DNAAF11: variants seen among roughly 807,000 people sequenced by gnomAD.
DNAAF11 encodes dynein axonemal assembly factor 11.
Under a neutral mutation model 60.8 loss-of-function variants are expected in DNAAF11, and 45 were observed. The ratio of observed to expected loss-of-function variants is 0.74; its 90% CI spans 0.58 to 0.95. The LOEUF is 0.95. DNAAF11 is among the 40% of genes least tolerant of loss of function. The probability of loss-of-function intolerance (pLI) is 0.00; values close to 1 mark genes in which losing one functional copy is unlikely to be tolerated. For synonymous variants in DNAAF11, 191 were observed against 183.5 expected (o/e 1.04, Z -0.33); for missense variants, 546 against 546.2 (o/e 1.00, Z 0.00).
chr8:132,646,757 A>C (rs1192671303), intron 3 of DNAAF11, among the ~76,000 whole-genome samples: 1 of 152,248 alleles, frequency 6.6e-6, no homozygotes, highest in Non-Finnish European at 1.5e-5. Flanking sequence ...AGGCCATTAC[A>C]TAATGGTAAA....
chr8:132,621,600 G>A (rs907120511), intron 7 of DNAAF11, among the ~76,000 whole-genome samples: 45 of 152,068 alleles, frequency 3.0e-4, no homozygotes, highest in African/African-American at 9.7e-4. Context: ...AATAGAGACC[G>A]CCTAAAGTCG....
chr8:132,694,256 G>A, the DNAAF11 span, among the ~76,000 whole-genome samples: 2 of 152,206 alleles, frequency 1.3e-5, no homozygotes, highest in Non-Finnish European at 2.9e-5. Context: ...AGGAATTGTT[G>A]TGGACTCAGT....
intron 5 of DNAAF11, among the ~76,000 whole-genome samples, chr8:132,626,192 C>G (rs1179048735): frequency 2.6e-5 from 4 of 152,084 alleles, no homozygotes; most frequent in Non-Finnish European, 5.9e-5. Context: ...GCTGGGACTA[C>G]AGGCGCCTGC....
chr8:132,573,172 C>A (rs1814394083), intron 11 of DNAAF11, among the ~76,000 whole-genome samples: 6 of 150,834 alleles, frequency 4.0e-5, no homozygotes, highest in Admixed American at 3.3e-4. Flanking sequence ...GGGCTGCGTT[C>A]CCCGCAATTT....
chr8:132,575,842 G>A (rs1417240382), intron 11 of DNAAF11, among the ~76,000 whole-genome samples: 1 of 152,158 alleles, frequency 6.6e-6, no homozygotes, highest in Non-Finnish European at 1.5e-5. Context: ...GGAGTGTCTG[G>A]CCCAGTCCAG....
intron 5 of DNAAF11, among the ~76,000 whole-genome samples, chr8:132,630,527 A>G (rs1004015201): frequency 7.2e-5 from 11 of 152,240 alleles, no homozygotes; most frequent in African/African-American, 2.7e-4. Flanking sequence ...AAATGTACAA[A>G]TAAGTTTAAC....
Position 132,632,960 on chromosome 8 carries a change from A to G in DNAAF11, c.433T>C (p.Leu145=). 6.2e-7 allele frequency: 1 copy of G among 1,606,828 alleles called. No homozygotes were observed. Among genetic ancestry groups the G allele is most frequent in the Non-Finnish European group, 8.5e-7 (1 of 1,174,262 alleles). Residue 145 remains leucine, a synonymous_variant, in exon 5 of 12, where the codon TTG becomes CTG. Coordinates refer to ENST00000620350, the MANE Select transcript of DNAAF11 (RefSeq NM_012472.6). ...VVATLPQLKW[L]DGKEIEPSER... The stretch of plus-strand genomic sequence containing the variant: ...GAAGGCTCTATTTCTTTACCATCCA[A>G]CCACTTAAAGAAAAACAATAAATAT...
At chr8:132,600,676 G>C (rs1287877705) in intron 10 of DNAAF11, among the ~76,000 whole-genome samples, 3 of 152,130 alleles carry the variant, frequency 2.0e-5, no homozygotes, top group African/African-American at 7.2e-5. Context: ...AATGGGGAAA[G>C]GATTCCCTAT....
the DNAAF11 span, among the ~76,000 whole-genome samples, chr8:132,691,057 G>A: frequency 6.7e-6 from 1 of 150,266 alleles, no homozygotes; most frequent in Non-Finnish European, 1.5e-5. Flanking sequence ...ACTATGTGTA[G>A]CCCACACTTA....
intron 3 of DNAAF11, 66 bp from the exon 4 acceptor site, chr8:132,638,173 G>T: frequency 8.3e-7 from 1 of 1,208,378 alleles, no homozygotes; most frequent in Non-Finnish European, 1.2e-6. Flanking sequence ...CAAAACGTGT[G>T]TAACATCACA....
intron 3 of DNAAF11, among the ~76,000 whole-genome samples, chr8:132,641,978 T>A (rs1821900968): frequency 6.6e-6 from 1 of 152,130 alleles, no homozygotes; most frequent in Non-Finnish European, 1.5e-5. Context: ...TACAACAATG[T>A]AAAAGACAGA....
At chr8:132,572,953 A>G (rs1460619996) in intron 11 of DNAAF11, among the ~76,000 whole-genome samples, 2 of 152,182 alleles carry the variant, frequency 1.3e-5, no homozygotes, top group Non-Finnish European at 2.9e-5. Flanking sequence ...GTTCAGGTGC[A>G]TAGTAAAGTG....
chr8:132,640,267 A>AT (rs1821727188), intron 3 of DNAAF11, among the ~76,000 whole-genome samples: 1 of 152,060 alleles, frequency 6.6e-6, no homozygotes, highest in Non-Finnish European at 1.5e-5. Flanking sequence ...AAACTTCTCT[A>AT]TACCTTCAAT....
At chr8:132,617,495 T>C (rs2130138876) in intron 7 of DNAAF11, among the ~76,000 whole-genome samples, 1 of 152,350 alleles carries the variant, frequency 6.6e-6, no homozygotes, top group East Asian at 1.9e-4. Flanking sequence ...ATTGATTTTG[T>C]ATCCTGAGAC....
intron 10 of DNAAF11, among the ~76,000 whole-genome samples, chr8:132,594,386 C>CTCT (rs1816775465): frequency 1.3e-5 from 2 of 152,062 alleles, no homozygotes; most frequent in African/African-American, 4.8e-5. Flanking sequence ...ATGACTGTGA[C>CTCT]TTATAGAGAT....
At chr8:132,659,013 T>C (rs996766815) in intron 2 of DNAAF11, among the ~76,000 whole-genome samples, 3 of 152,228 alleles carry the variant, frequency 2.0e-5, no homozygotes, top group African/African-American at 7.2e-5. Flanking sequence ...CCCTCTGCCT[T>C]CTCGGATTTA....
chr8:132,677,854 A>G (rs1825811966), upstream of DNAAF11, among the ~76,000 whole-genome samples: 1 of 152,120 alleles, frequency 6.6e-6, no homozygotes, highest in South Asian at 2.1e-4. Context: ...TCCTCACATG[A>G]CAGAAGGGAT....
the DNAAF11 span, among the ~76,000 whole-genome samples, chr8:132,690,176 A>T: frequency 6.6e-6 from 1 of 152,158 alleles, no homozygotes; most frequent in Non-Finnish European, 1.5e-5. Context: ...TTCCTCTGTT[A>T]TTAAAATCTT....
At chr8:132,578,154 G>A (rs1210081447) in intron 11 of DNAAF11, among the ~76,000 whole-genome samples, 1 of 151,936 alleles carries the variant, frequency 6.6e-6, no homozygotes, top group Non-Finnish European at 1.5e-5. Flanking sequence ...TGACTTTGAG[G>A]AAGAATGGCC....
Sources: gnomAD v4.1 joint callset for allele counts (sites outside exome capture counted in the v4.1 genomes callset) on GRCh38, gnomAD v4.1.1 for gene constraint, MANE v1.5 for transcripts, NCBI Gene and HGNC (gene_info 2026-07-23, HGNC 2026-07-21) for gene names.